The following MSH4 variants were observed in gnomAD, a reference collection of about 807,000 sequenced individuals.
MSH4 encodes the protein mutS homolog 4, also known as mutS protein homolog 4.
MSH4 carries 106 observed loss-of-function variants against 113.7 expected under a neutral mutation model. That is an observed-to-expected ratio of 0.93 (90% CI 0.80 to 1.10). MSH4 has a LOEUF of 1.10. Among genes scored for constraint, MSH4 ranks in the 50% least tolerant of loss-of-function variants. The pLI is 0.00. For synonymous variants in MSH4, 368 were observed against 380.2 expected, an observed-to-expected ratio of 0.97 and a Z score of 0.37; for missense variants, 1,061 against 1,093.7, an observed-to-expected ratio of 0.97 and a Z score of 0.42.
intron 15 of MSH4, among the ~76,000 whole-genome samples, chr1:75,886,660 ATATACAT>A (rs1186927047): frequency 1.5e-5 from 2 of 133,568 alleles, no homozygotes; most frequent in South Asian, 2.2e-4. Flanking sequence ...ATATAGAAAT[ATATACAT>A]TATACATTAT....
intron 19 of MSH4, among the ~76,000 whole-genome samples, chr1:75,909,559 G>A (rs1411323677): frequency 6.6e-6 from 1 of 151,534 alleles, no homozygotes; most frequent in Non-Finnish European, 1.5e-5. Context: ...TGCCATGGTG[G>A]TTTGCTGCAC....
chr1:75,862,343 C>G (rs933658247), intron 8 of MSH4, among the ~76,000 whole-genome samples: 26 of 152,168 alleles, frequency 1.7e-4, no homozygotes, highest in African/African-American at 6.3e-4. Flanking sequence ...GTTGGAAATG[C>G]AGTAATCACC....
intron 3 of MSH4, among the ~76,000 whole-genome samples, chr1:75,810,027 A>T (rs926068602): frequency 8.5e-5 from 13 of 152,174 alleles, no homozygotes; most frequent in Non-Finnish European, 1.3e-4. Flanking sequence ...GAATTTATTT[A>T]AAAACAATTT....
At chr1:75,826,351 C>A in intron 7 of MSH4, among the ~76,000 whole-genome samples, 1 of 152,092 alleles carries the variant, frequency 6.6e-6, no homozygotes, top group East Asian at 1.9e-4. Flanking sequence ...TGATTCTTCT[C>A]CCTTTTCTTC....
chr1:75,867,328 A>G (rs1228550592), intron 8 of MSH4, among the ~76,000 whole-genome samples, 186 bp from the exon 9 acceptor site: 1 of 152,168 alleles, frequency 6.6e-6, no homozygotes, highest in Non-Finnish European at 1.5e-5. Flanking sequence ...ACTTTTGGGA[A>G]ACCGGTGTGC....
chr1:75,832,339 C>T (rs1208541239), intron 7 of MSH4, among the ~76,000 whole-genome samples: 1 of 152,098 alleles, frequency 6.6e-6, no homozygotes, highest in Non-Finnish European at 1.5e-5. Flanking sequence ...GATTCACAGC[C>T]GAATTCTACC....
chr1:75,900,276 A>C (rs575030046), intron 19 of MSH4, among the ~76,000 whole-genome samples: 212 of 151,874 alleles, frequency 1.4e-3, no homozygotes, highest in Non-Finnish European at 2.4e-3. Context: ...GCTTTATATA[A>C]GTGTTTTTGG....
Position 75,822,518 on chromosome 1 carries a change from A to G in MSH4, c.1099A>G (p.Met367Val), listed in dbSNP as rs754773827. 2 of 1,583,464 alleles carry G rather than the reference A, an allele frequency of 1.3e-6. No homozygotes were observed. Among genetic ancestry groups the G allele is most frequent in the East Asian group, 2.3e-5 (1 of 43,044 alleles). Residue 367 changes from methionine to valine, a missense_variant, in exon 7 of 20, where the codon ATG becomes GTG. Met to Val is a conservative substitution (Grantham distance 21, BLOSUM62 1). Coordinates refer to ENST00000263187, the MANE Select transcript of MSH4 (RefSeq NM_002440.4). ...EPLVDIETIN[M>V]RLDCVQELLQ... Reference sequence around the variant, plus strand: ...TCTAGTTGATATTGAAACCATTAACATGAGATTAGATTGTGTTCAAGAACT... The same window carrying G: ...TCTAGTTGATATTGAAACCATTAACGTGAGATTAGATTGTGTTCAAGAACT...
chr1:75,906,361 A>T, intron 19 of MSH4, among the ~76,000 whole-genome samples: 1 of 135,020 alleles, frequency 7.4e-6, no homozygotes, highest in Non-Finnish European at 1.6e-5. Context: ...TTGTTTTGTA[A>T]GTGCTCTCTT....
chr1:75,872,603 A>T (rs1282863990), intron 9 of MSH4, among the ~76,000 whole-genome samples: 1 of 152,178 alleles, frequency 6.6e-6, no homozygotes. Context: ...ACTGCATAAC[A>T]TTTTAAAAAA....
In MSH4 at chr1:75,868,231, A is replaced by T. The variant is rs1248140536; in HGVS notation, c.1305+643A>T. 4.6e-5 allele frequency among the ~76,000 whole-genome samples: 7 copies of T among 152,178 alleles called. No individual in the cohort carries two copies. The East Asian group carries it at 1.3e-3, about 29-fold the overall frequency. ...ATCACATCAAGAGGCACATAATGCC[A>T]TTTCCTCATTCTTGGTGATATTAAC... On this transcript the variant is annotated intron_variant, in intron 9 of 19. Coordinates refer to ENST00000263187, the MANE Select transcript of MSH4 (RefSeq NM_002440.4).
Position 75,913,034 on chromosome 1 carries a change from T to A in MSH4, c.*147T>A, listed in dbSNP as rs965305687. 9.1e-5 allele frequency: 36 copies of A among 396,990 alleles called. No individual in the cohort carries two copies. The highest frequency in any genetic ancestry group is 2.7e-4 in the Admixed American group (6 of 21,986). 24.6% of individuals were successfully genotyped at this position (396,990 alleles called of 1,614,324 possible). A position where few individuals can be genotyped will look rare whatever the true frequency, so the allele number is the denominator to read the frequency against. ...AACATCACAATTGTCATCTATATAT[T>A]CTATATGAAAAATATTTATTATAAC... is the stretch of plus-strand genomic sequence containing the variant. On this transcript the variant is annotated 3_prime_UTR_variant, in exon 20 of 20. Coordinates refer to ENST00000263187, the MANE Select transcript of MSH4 (RefSeq NM_002440.4).
intron 9 of MSH4, among the ~76,000 whole-genome samples, chr1:75,871,913 C>G (rs1173444216): frequency 1.3e-5 from 2 of 152,138 alleles, no homozygotes; most frequent in Non-Finnish European, 2.9e-5. Flanking sequence ...ACATTTTTGC[C>G]TTGAAAAGTT....
At chr1:75,901,781 T>C (rs994187244) in intron 19 of MSH4, among the ~76,000 whole-genome samples, 1 of 152,142 alleles carries the variant, frequency 6.6e-6, no homozygotes, top group Non-Finnish European at 1.5e-5. Context: ...ATCAACAGTG[T>C]ATGTGCATTC....
chr1:75,883,013 AT>A (rs200931353), intron 14 of MSH4, among the ~76,000 whole-genome samples: 1 of 150,292 alleles, frequency 6.7e-6, no homozygotes, highest in African/African-American at 2.4e-5. Context: ...TTTTATTTTT[AT>A]TTTTTTTTGA....
rs553112018 is a variant in MSH4 at position 75,842,028 on chromosome 1, G to A, written c.1163-6181G>A. Among the ~76,000 whole-genome samples, 9 of 152,242 alleles carry A rather than the reference G, an allele frequency of 5.9e-5. No homozygotes were observed. In the South Asian group the frequency reaches 1.5e-3, roughly 25 times the overall value. ...CTGAGAACATGTGCCCAAGATAGTC[G>A]GAGTACAGCTTGGTTTTGTATATTT... On this transcript the variant is annotated intron_variant, in intron 7 of 19. Transcript: ENST00000263187.
At chr1:75,881,394 A>C (rs1427890298) in intron 14 of MSH4, 24 bp downstream of exon 14, 1 of 1,604,576 alleles carries the variant, frequency 6.2e-7, no homozygotes, top group Non-Finnish European at 8.5e-7. Context: ...TTTGGAATAA[A>C]CATATTGCAT....
chr1:75,839,584 G>A (rs1650907157), intron 7 of MSH4, among the ~76,000 whole-genome samples: 1 of 152,056 alleles, frequency 6.6e-6, no homozygotes, highest in Non-Finnish European at 1.5e-5. Context: ...GAGTGGGAGG[G>A]TAATTTTTAC....
intron 7 of MSH4, among the ~76,000 whole-genome samples, chr1:75,832,317 C>G (rs1356553666): frequency 6.6e-6 from 1 of 152,050 alleles, no homozygotes; most frequent in Non-Finnish European, 1.5e-5. Flanking sequence ...CAAAAAAGTC[C>G]AGGACCATAT....
Sources: gnomAD v4.1 joint callset for allele counts (sites outside exome capture counted in the v4.1 genomes callset) on GRCh38, gnomAD v4.1.1 for gene constraint, MANE v1.5 for transcripts, NCBI Gene and HGNC (gene_info 2026-07-23, HGNC 2026-07-21) for gene names.